The following ZC3H12C variants were observed in gnomAD, a reference collection of about 807,000 sequenced individuals.
ZC3H12C encodes probable ribonuclease ZC3H12C.
In ZC3H12C, 20 loss-of-function variants were observed where a neutral mutation model predicts 76.3. The ratio of observed to expected loss-of-function variants is 0.26; its 90% CI spans 0.18 to 0.38. The LOEUF (loss-of-function observed/expected upper bound fraction) is 0.38, where lower values mean the gene tolerates loss of function less well. ZC3H12C is among the 10% of genes least tolerant of loss of function. The pLI is 1.00. For synonymous variants in ZC3H12C, 352 were observed against 399.6 expected (o/e 0.88, Z 1.42); for missense variants, 874 against 1,086.5 (o/e 0.80, Z 2.75).
In ZC3H12C at chr11:110,166,178, C is replaced by T. The variant is rs995521201; in HGVS notation, c.*441C>T. The T allele has an allele frequency of 6.4e-6, 1 of 156,124 alleles. No individual in the cohort carries two copies. The highest frequency in any genetic ancestry group is 1.4e-5 in the Non-Finnish European group (1 of 70,684). 9.7% of individuals were successfully genotyped at this position (156,124 alleles called of 1,614,324 possible). Reference sequence around the variant, plus strand: ...AGACCTAGCAAACTGTTTTTTCGAGCCAAGCTTAGTTAGACTCTTTTACAG... The same window carrying T: ...AGACCTAGCAAACTGTTTTTTCGAGTCAAGCTTAGTTAGACTCTTTTACAG... On this transcript the variant is annotated 3_prime_UTR_variant, in exon 6 of 6. Coordinates refer to ENST00000278590, the MANE Select transcript of ZC3H12C (RefSeq NM_033390.2).
chr11:110,163,851 C>T (rs1462996954), intron 5 of ZC3H12C, among the ~76,000 whole-genome samples: 1 of 152,162 alleles, frequency 6.6e-6, no homozygotes, highest in Non-Finnish European at 1.5e-5. Context: ...GTAATCCCAG[C>T]AGTTTGGGAG....
At chr11:110,151,250 GA>G (rs1433630773) in intron 2 of ZC3H12C, among the ~76,000 whole-genome samples, 3 of 152,124 alleles carry the variant, frequency 2.0e-5, no homozygotes, top group African/African-American at 7.2e-5. Flanking sequence ...TTAGGAGATA[GA>G]ATTTTCTATT....
intron 3 of ZC3H12C, among the ~76,000 whole-genome samples, chr11:110,155,980 G>A (rs1353542321): frequency 6.6e-6 from 1 of 152,108 alleles, no homozygotes; most frequent in Admixed American, 6.5e-5. Flanking sequence ...TCTTGAACAT[G>A]AAGAGAAGAA....
intron 1 of ZC3H12C, among the ~76,000 whole-genome samples, chr11:110,100,840 T>C (rs1861201746): frequency 6.6e-6 from 1 of 152,230 alleles, no homozygotes; most frequent in Admixed American, 6.5e-5. Context: ...CCTTAAGTGT[T>C]CAAGTGAAAG....
chr11:110,148,481 T>G (rs1862209917), intron 2 of ZC3H12C, among the ~76,000 whole-genome samples: 1 of 152,212 alleles, frequency 6.6e-6, no homozygotes. Context: ...ACAGAGAGGC[T>G]TTGGAATTTT....
chr11:110,116,685 AC>A (rs1336978684), intron 1 of ZC3H12C, among the ~76,000 whole-genome samples: 5 of 152,228 alleles, frequency 3.3e-5, no homozygotes, highest in Admixed American at 6.5e-5. Context: ...TTTTAAAGAC[AC>A]ACCTCACCAT....
chr11:110,152,676 T>C (rs1388916192), intron 2 of ZC3H12C, among the ~76,000 whole-genome samples: 1 of 152,218 alleles, frequency 6.6e-6, no homozygotes, highest in Non-Finnish European at 1.5e-5. Flanking sequence ...GCTTTACCTT[T>C]GAAAACTCAC....
At chr11:110,112,997 C>T (rs1360795497) in intron 1 of ZC3H12C, among the ~76,000 whole-genome samples, 1 of 77,544 alleles carries the variant, frequency 1.3e-5, no homozygotes, top group Non-Finnish European at 2.8e-5. Flanking sequence ...TATCGCCCCC[C>T]CCTACCAAAA....
chr11:110,128,142 A>G (rs1471146360), intron 1 of ZC3H12C, among the ~76,000 whole-genome samples: 1 of 149,738 alleles, frequency 6.7e-6, no homozygotes, highest in Non-Finnish European at 1.5e-5. Context: ...TTTTTCTGTC[A>G]TAAGTGTGCA....
At chr11:110,117,399 G>A (rs1861545421) in intron 1 of ZC3H12C, among the ~76,000 whole-genome samples, 1 of 151,880 alleles carries the variant, frequency 6.6e-6, no homozygotes, top group African/African-American at 2.4e-5. Flanking sequence ...TTATGTAGGA[G>A]AAAAATGTAT....
At chr11:110,121,303 G>A (rs75208741) in intron 1 of ZC3H12C, among the ~76,000 whole-genome samples, 2,532 of 152,264 alleles carry the variant, frequency 0.017, 71 homozygotes, top group African/African-American at 0.055. Context: ...GCTGTGTGCC[G>A]GGCACTCTTC....
chr11:110,161,011 G>GT (rs34438018), intron 4 of ZC3H12C, among the ~76,000 whole-genome samples: 66,400 of 145,602 alleles, frequency 0.46, 15,370 homozygotes, highest in East Asian at 0.77. Context: ...TAATTTTTGT[G>GT]TTTTTTTTTT....
intron 4 of ZC3H12C, 114 bp from the exon 5 acceptor site, chr11:110,163,159 G>A (rs1862511762): frequency 3.9e-6 from 3 of 768,266 alleles, no homozygotes; most frequent in Non-Finnish European, 6.1e-6. Context: ...CAAAACACTT[G>A]GATTAAAATT....
intron 1 of ZC3H12C, among the ~76,000 whole-genome samples, chr11:110,135,511 A>G (rs559065530): frequency 0.01 from 1,546 of 150,368 alleles, 35 homozygotes; most frequent in African/African-American, 0.035. Context: ...AAAAAAAAAA[A>G]GTAAATCCTT....
intron 1 of ZC3H12C, among the ~76,000 whole-genome samples, chr11:110,134,790 G>A (rs1035039708): frequency 6.6e-6 from 1 of 152,060 alleles, no homozygotes; most frequent in Non-Finnish European, 1.5e-5. Context: ...TATTAAAGTT[G>A]TCTATCTTCT....
At chr11:110,163,050 A>G (rs1173993439) in intron 4 of ZC3H12C, among the ~76,000 whole-genome samples, 6 of 152,262 alleles carry the variant, frequency 3.9e-5, no homozygotes, top group Non-Finnish European at 5.9e-5. Flanking sequence ...AACTTACTTG[A>G]ATTAAAACAA....
At chr11:110,153,111 C>A in intron 3 of ZC3H12C, 53 bp downstream of exon 3, 2 of 1,576,856 alleles carry the variant, frequency 1.3e-6, no homozygotes, top group South Asian at 2.3e-5. Flanking sequence ...AATAACCATG[C>A]AGGTGTCTGA....
intron 1 of ZC3H12C, among the ~76,000 whole-genome samples, chr11:110,135,490 C>CAAAAA (rs60107794): frequency 1.0e-5 from 1 of 95,288 alleles, no homozygotes; most frequent in Non-Finnish European, 1.9e-5. Context: ...ACTCCCGTCT[C>CAAAAA]AAAAAAAAAA....
intron 1 of ZC3H12C, among the ~76,000 whole-genome samples, chr11:110,130,165 T>A (rs918583219): frequency 5.9e-5 from 9 of 152,162 alleles, no homozygotes; most frequent in South Asian, 2.1e-4. Flanking sequence ...GTAAAAAAAA[T>A]TTTACACTGC....
Sources: gnomAD v4.1 joint callset for allele counts (sites outside exome capture counted in the v4.1 genomes callset) on GRCh38, gnomAD v4.1.1 for gene constraint, MANE v1.5 for transcripts, NCBI Gene and HGNC (gene_info 2026-07-23, HGNC 2026-07-21) for gene names.